NELL2: variants seen among roughly 807,000 people sequenced by gnomAD.
NELL2 encodes protein kinase C-binding protein NELL2.
NELL2 carries 41 observed loss-of-function variants against 109.6 expected under a neutral mutation model. That is an observed-to-expected ratio of 0.37 (90% CI 0.29 to 0.49). NELL2 has a LOEUF of 0.49. Ranked by LOEUF, NELL2 falls within the 20% of genes least tolerant of loss-of-function variation. The pLI is 0.98. For missense variants in NELL2, 900 were observed against 1,008.3 expected, an observed-to-expected ratio of 0.89 and a Z score of 1.45; for synonymous variants, 355 against 344.7, an observed-to-expected ratio of 1.03 and a Z score of -0.33.
In NELL2 at chr12:44,776,010, T is replaced by G. The variant is rs764364311; in HGVS notation, c.891+12A>C. 1 of 1,610,012 alleles carries G rather than the reference T, an allele frequency of 6.2e-7. No homozygotes were observed. Among genetic ancestry groups the G allele is most frequent in the African/African-American group, 1.3e-5 (1 of 74,492 alleles). Reference sequence around the variant, plus strand: ...TGAGTTCCCTTAGTCTCAACTCAAATAGAAGCCATACCAGGCATGTGCAGT... The same window carrying G: ...TGAGTTCCCTTAGTCTCAACTCAAAGAGAAGCCATACCAGGCATGTGCAGT... On this transcript the variant is annotated intron_variant, in intron 8 of 19. Transcript: ENST00000429094.
intron 15 of NELL2, among the ~76,000 whole-genome samples, chr12:44,567,467 G>A (rs891221539): frequency 6.6e-6 from 1 of 152,116 alleles, no homozygotes; most frequent in Admixed American, 6.6e-5. Context: ...TGACCTCAGT[G>A]CTACAGTAAA....
At chr12:44,684,800 T>C (rs1302697479) in intron 12 of NELL2, among the ~76,000 whole-genome samples, 1 of 152,210 alleles carries the variant, frequency 6.6e-6, no homozygotes, top group Admixed American at 6.5e-5. Context: ...TTATAATTTC[T>C]GTTCTTTTAC....
chr12:44,589,812 C>T (rs2136223811), intron 15 of NELL2, among the ~76,000 whole-genome samples: 1 of 152,324 alleles, frequency 6.6e-6, no homozygotes, highest in Middle Eastern at 3.4e-3. Flanking sequence ...AAACTTTGCA[C>T]AGATCCATTC....
chr12:44,844,998 C>T (rs1012417732), intron 2 of NELL2, among the ~76,000 whole-genome samples: 2 of 152,064 alleles, frequency 1.3e-5, no homozygotes, highest in African/African-American at 4.8e-5. Context: ...TTTTACATAC[C>T]CTTTTAATCC....
intron 9 of NELL2, among the ~76,000 whole-genome samples, chr12:44,715,411 C>A (rs1326012767): frequency 6.6e-6 from 1 of 151,294 alleles, no homozygotes; most frequent in African/African-American, 2.4e-5. Flanking sequence ...ATCAAATAAT[C>A]TTTTTCTAAA....
intron 15 of NELL2, among the ~76,000 whole-genome samples, chr12:44,537,839 T>C (rs1942365247): frequency 6.6e-6 from 1 of 152,170 alleles, no homozygotes; most frequent in Admixed American, 6.5e-5. Flanking sequence ...GATTTGGGTA[T>C]AAAATATTGT....
chr12:44,604,158 T>C (rs1050321666), intron 15 of NELL2, among the ~76,000 whole-genome samples: 3 of 150,230 alleles, frequency 2.0e-5, no homozygotes, highest in Non-Finnish European at 4.4e-5. Flanking sequence ...GGACGAAGCA[T>C]GGCATAAGAA....
chr12:44,783,935 C>T (rs1181013368), intron 3 of NELL2, among the ~76,000 whole-genome samples: 1 of 151,838 alleles, frequency 6.6e-6, no homozygotes, highest in Non-Finnish European at 1.5e-5. Context: ...AAAATGTTAA[C>T]AAATATAATT....
intron 2 of NELL2, among the ~76,000 whole-genome samples, chr12:44,819,746 C>G (rs1260133435): frequency 6.6e-6 from 1 of 152,168 alleles, no homozygotes; most frequent in Non-Finnish European, 1.5e-5. Flanking sequence ...GTTTTGCTAC[C>G]TCTATGGGGA....
In NELL2 at chr12:44,776,127, C is replaced by A; in HGVS notation, c.786G>T (p.Met262Ile). ...CACAATAGCACTGATCCAATCTATT[C>A]ATTCGCTGTTCAGCTCGAGACAGCT... ...SAKLSRAEQR[M>I]NRLDQCYCER... The change falls in exon 8 of 20, where the codon ATG (methionine) becomes ATT (isoleucine). Residue 262 changes from methionine to isoleucine, a missense_variant. Physicochemically the swap from Met to Ile is conservative, Grantham distance 10. Around this residue, in one of 4 missense-constraint regions of NELL2, gnomAD observed 292 missense variants for 265.3 expected, o/e 1.10. Coordinates refer to ENST00000429094, the MANE Select transcript of NELL2 (RefSeq NM_001145108.2). The A allele has an allele frequency of 6.2e-7, 1 of 1,613,854 alleles. No homozygotes were observed. Among genetic ancestry groups the A allele is most frequent in the East Asian group, 2.2e-5 (1 of 44,856 alleles).
rs921421926 is a variant in NELL2, at chr12:44,767,718, C to T, written c.994+7029G>A. 7.2e-5 allele frequency among the ~76,000 whole-genome samples: 11 copies of T among 151,888 alleles called. No homozygotes were observed. In the South Asian group the frequency reaches 1.2e-3, roughly 17 times the overall value. Reference sequence around the variant, plus strand: ...TTTTTATTTAATATGAAAATATCTCCAATATATGTTATTAACAAAAAAACA... The same window carrying T: ...TTTTTATTTAATATGAAAATATCTCTAATATATGTTATTAACAAAAAAACA... On this transcript the variant is annotated intron_variant, in intron 9 of 19. Transcript: ENST00000429094.
intron 12 of NELL2, among the ~76,000 whole-genome samples, chr12:44,691,993 A>C (rs575798613): frequency 1.3e-5 from 2 of 152,322 alleles, no homozygotes; most frequent in Non-Finnish European, 2.9e-5. Flanking sequence ...AGATCCAGCT[A>C]AGACCATTGG....
intron 3 of NELL2, among the ~76,000 whole-genome samples, chr12:44,806,625 T>G (rs1943010055): frequency 6.6e-6 from 1 of 151,874 alleles, no homozygotes; most frequent in African/African-American, 2.4e-5. Flanking sequence ...CAAGGTCCAT[T>G]CTAATTTGTC....
intron 15 of NELL2, among the ~76,000 whole-genome samples, chr12:44,540,239 C>A (rs1942490132): frequency 6.6e-6 from 1 of 151,710 alleles, no homozygotes; most frequent in Admixed American, 6.6e-5. Flanking sequence ...GTTAGAGGAA[C>A]AAAGAAAAGT....
chr12:44,532,598 CT>C lies in NELL2; in HGVS notation c.1786del (p.Ser596ValfsTer182). The C allele has an allele frequency of 6.2e-7, 1 of 1,613,486 alleles. No homozygotes were observed. Among genetic ancestry groups the C allele is most frequent in the Non-Finnish European group, 8.5e-7 (1 of 1,179,616 alleles). On this transcript the variant is annotated frameshift_variant, in exon 16 of 20. Transcript: ENST00000429094. LOFTEE classifies it high-confidence loss of function. Reference protein sequence around the residue: ...GYHDNGMFSPSGESCEDIDEC... With the variant: ...GYHDNGMFSPXGESCEDIDEC... Reference sequence around the variant, plus strand: ...GTACTGACCTTCACACGATTCTCCACTTGGTGAAAACATCCCATTGTCATGG... The same window carrying C: ...GTACTGACCTTCACACGATTCTCCACTGGTGAAAACATCCCATTGTCATGG...
chr12:44,684,970 C>G (rs1948664108), intron 12 of NELL2, among the ~76,000 whole-genome samples: 1 of 151,960 alleles, frequency 6.6e-6, no homozygotes, highest in African/African-American at 2.4e-5. Flanking sequence ...TCCTGGGTAT[C>G]CTTGTTGACT....
intron 8 of NELL2, 149 bp from the exon 9 acceptor site, chr12:44,774,998 T>G: frequency 1.6e-6 from 1 of 610,478 alleles, no homozygotes; most frequent in South Asian, 2.1e-5. Flanking sequence ...GTGCTGACAA[T>G]CACCACAAGG....
intron 1 of NELL2, among the ~76,000 whole-genome samples, chr12:44,908,077 GA>G (rs1295403850): frequency 6.6e-6 from 1 of 151,882 alleles, no homozygotes; most frequent in Non-Finnish European, 1.5e-5. Context: ...TGAGGTTTCA[GA>G]AGAGAGGAAA....
At position 44,743,661 on chromosome 12, in the gene NELL2, T is replaced by C. The variant is rs555464439; in HGVS notation, c.995-28920A>G. Among the ~76,000 whole-genome samples the C allele has an allele frequency of 2.8e-3, 426 of 152,234 alleles. 3 individuals are homozygous for C. Among genetic ancestry groups the C allele is most frequent in the Non-Finnish European group, 4.6e-3 (313 of 68,022 alleles). ...CAGAGGTTGCAATCCTAGTCTCTGA[T>C]AAAACAGACTTTAAACCAACAAAGA... On this transcript the variant is annotated intron_variant, in intron 9 of 19. Transcript: ENST00000429094.
Sources: allele counts gnomAD v4.1 joint callset (sites outside exome capture counted in the v4.1 genomes callset), GRCh38; gene constraint gnomAD v4.1.1; regional missense constraint gnomAD v4.1.1; transcripts MANE v1.5; gene names NCBI Gene and HGNC (gene_info 2026-07-23, HGNC 2026-07-21).